CHD7: variants seen among roughly 807,000 people sequenced by gnomAD.
CHD7 encodes the protein chromodomain helicase DNA binding protein 7.
A neutral mutation model predicts 307.3 loss-of-function variants in CHD7; 24 were observed. That is an observed-to-expected ratio of 0.08 (90% CI 0.06 to 0.11). The LOEUF (loss-of-function observed/expected upper bound fraction) is 0.11. CHD7 is among the 10% of genes least tolerant of loss of function. The pLI, the probability that CHD7 is intolerant of heterozygous loss-of-function variation, is 1.00. For synonymous variants in CHD7, 1,363 were observed against 1,349.9 expected (o/e 1.01, Z -0.21); for missense variants, 3,106 against 3,727.1 (o/e 0.83, Z 4.34).
At chr8:60,828,642 G>A in intron 13 of CHD7, 21 bp from the exon 14 acceptor site, 2 of 1,586,752 alleles carry the variant, frequency 1.3e-6, no homozygotes, top group Admixed American at 1.8e-5. Flanking sequence ...TTGGTTAGTG[G>A]CTTTCCTTGT....
intron 21 of CHD7, among the ~76,000 whole-genome samples, chr8:60,844,433 A>G (rs1459640387): frequency 1.3e-5 from 2 of 152,200 alleles, no homozygotes; most frequent in Non-Finnish European, 2.9e-5. Context: ...ACTGCTCAGC[A>G]TCGCATCCTT....
At chr8:60,848,657 C>A in intron 24 of CHD7, 53 bp downstream of exon 24, 2 of 1,358,684 alleles carry the variant, frequency 1.5e-6, no homozygotes, top group South Asian at 2.4e-5. Flanking sequence ...TCTGGGTAGC[C>A]GGAAAACATC....
intron 1 of CHD7, among the ~76,000 whole-genome samples, chr8:60,700,270 T>A (rs1228935963): frequency 6.6e-6 from 1 of 152,238 alleles, no homozygotes; most frequent in Non-Finnish European, 1.5e-5. Context: ...CCATATTGGC[T>A]GCTTTTCACC....
chr8:60,791,362 A>G (rs1586333983), intron 3 of CHD7, among the ~76,000 whole-genome samples: 1 of 152,214 alleles, frequency 6.6e-6, no homozygotes, highest in Non-Finnish European at 1.5e-5. Context: ...AGCTAGGCCC[A>G]TGAGTAGCCA....
intron 3 of CHD7, among the ~76,000 whole-genome samples, chr8:60,791,645 C>T (rs1811777257): frequency 2.0e-5 from 3 of 152,298 alleles, no homozygotes; most frequent in South Asian, 4.1e-4. Flanking sequence ...GACTCTATGT[C>T]CTTTCTCCAC....
Position 60,856,853 on chromosome 8 carries a change from C to G in CHD7, c.7573C>G (p.Leu2525Val). ...GAAAAATGTGGAGGGACTTGATCTG[C>G]TTTTCATGAGCCACAAACGGACGTC... ...RRKNVEGLDL[L>V]FMSHKRTSLS... Residue 2525 changes from leucine (L) to valine (V), a missense_variant, in exon 34 of 38, where the codon CTT (leucine) becomes GTT (valine). Around this residue, in one of 10 missense-constraint regions of CHD7, gnomAD observed 1,030 missense variants for 1,165.4 expected, o/e 0.88. Transcript: ENST00000423902. 1 of 1,569,828 alleles carries G rather than the reference C, an allele frequency of 6.4e-7. No individual in the cohort carries two copies. The highest frequency in any genetic ancestry group is 8.6e-7 in the Non-Finnish European group (1 of 1,159,770).
At chr8:60,698,445 T>G (rs1485006347) in intron 1 of CHD7, among the ~76,000 whole-genome samples, 1 of 152,160 alleles carries the variant, frequency 6.6e-6, no homozygotes, top group African/African-American at 2.4e-5. Context: ...ATTTCTCAAA[T>G]ATATAATTAG....
At chr8:60,768,692 A>G (rs35274410) in intron 2 of CHD7, among the ~76,000 whole-genome samples, 63 of 152,362 alleles carry the variant, frequency 4.1e-4, no homozygotes, top group African/African-American at 1.3e-3. Flanking sequence ...TGCTATTTAC[A>G]TTTCTGAATT....
intron 3 of CHD7, among the ~76,000 whole-genome samples, chr8:60,788,411 G>T (rs910412558): frequency 7.9e-5 from 12 of 152,176 alleles, no homozygotes; most frequent in Admixed American, 4.6e-4. Context: ...AAAGTGCTGG[G>T]TTTACAGGCC....
At chr8:60,806,038 G>A (rs1018071337) in intron 6 of CHD7, among the ~76,000 whole-genome samples, 3 of 151,918 alleles carry the variant, frequency 2.0e-5, no homozygotes, top group Admixed American at 2.0e-4. Flanking sequence ...TCTTTCTGCT[G>A]GAAGTCTGGT....
At chr8:60,807,809 C>G (rs1812605415) in intron 6 of CHD7, among the ~76,000 whole-genome samples, 1 of 152,242 alleles carries the variant, frequency 6.6e-6, no homozygotes, top group Admixed American at 6.5e-5. Context: ...TGTAAAGTTG[C>G]CATGAGGCAG....
At chr8:60,720,135 T>C (rs1002187627) in intron 1 of CHD7, among the ~76,000 whole-genome samples, 2 of 152,200 alleles carry the variant, frequency 1.3e-5, no homozygotes, top group African/African-American at 4.8e-5. Context: ...GAGCTCTGAT[T>C]TTTTTCAGCG....
At chr8:60,714,695 A>C (rs1807490609) in intron 1 of CHD7, among the ~76,000 whole-genome samples, 3 of 150,916 alleles carry the variant, frequency 2.0e-5, no homozygotes, top group African/African-American at 7.3e-5. Flanking sequence ...GCCCTCCCTC[A>C]TGGCTCCCGC....
At chr8:60,850,347 A>T in intron 25 of CHD7, 146 bp from the exon 26 acceptor site, 1 of 960,720 alleles carries the variant, frequency 1.0e-6, no homozygotes, top group Non-Finnish European at 1.5e-6. Flanking sequence ...AGAATGATCT[A>T]CTAAAACAAG....
intron 22 of CHD7, 60 bp from the exon 23 acceptor site, chr8:60,845,190 C>T: frequency 6.3e-7 from 1 of 1,576,526 alleles, no homozygotes; most frequent in African/African-American, 1.4e-5. Flanking sequence ...AAGCTCTCTG[C>T]CATTGACACT....
chr8:60,723,138 A>C (rs2150548064), intron 1 of CHD7, among the ~76,000 whole-genome samples: 1 of 152,068 alleles, frequency 6.6e-6, no homozygotes, highest in South Asian at 2.1e-4. Flanking sequence ...TAATATTACC[A>C]CCTATCTAAT....
chr8:60,794,859 G>A (rs1199882602), intron 3 of CHD7, 127 bp from the exon 4 acceptor site: 13 of 842,688 alleles, frequency 1.5e-5, no homozygotes, highest in Non-Finnish European at 2.1e-5. Context: ...GCATTTAACT[G>A]TAAATAGCCA....
At chr8:60,843,961 C>T (rs964350898) in intron 21 of CHD7, among the ~76,000 whole-genome samples, 2 of 152,132 alleles carry the variant, frequency 1.3e-5, no homozygotes, top group African/African-American at 4.8e-5. Context: ...AGAGGCAGGG[C>T]CTGAGGGAGG....
intron 4 of CHD7, among the ~76,000 whole-genome samples, chr8:60,795,478 G>A (rs975045352): frequency 9.9e-5 from 15 of 152,190 alleles, no homozygotes; most frequent in African/African-American, 3.6e-4. Flanking sequence ...TTTCTCTAAA[G>A]TTTGGTTGAT....
Sources: allele counts gnomAD v4.1 joint callset (sites outside exome capture counted in the v4.1 genomes callset), GRCh38; gene constraint gnomAD v4.1.1; regional missense constraint gnomAD v4.1.1; transcripts MANE v1.5; gene names NCBI Gene and HGNC (gene_info 2026-07-23, HGNC 2026-07-21).